The following MYO15B variants were observed in gnomAD, a reference collection of about 807,000 sequenced individuals.
MYO15B encodes myosin XVB pseudogene.
MYO15B carries 207 observed loss-of-function variants against 119.3 expected under a neutral mutation model. The ratio of observed to expected loss-of-function variants is 1.73; its 90% CI spans 1.55 to 1.95. The LOEUF is 1.95. MYO15B is among the 30% of genes most tolerant of loss of function. MYO15B has a pLI of 0.00. For synonymous variants in MYO15B, 966 were observed against 498.9 expected (o/e 1.94, Z -12.48); for missense variants, 2,264 against 1,203.1 (o/e 1.88, Z -13.04).
intron 43 of MYO15B, among the ~76,000 whole-genome samples, chr17:75,618,836 C>T (rs1161799983): frequency 6.6e-6 from 1 of 152,236 alleles, no homozygotes; most frequent in Non-Finnish European, 1.5e-5. Flanking sequence ...GTAGCACCTG[C>T]CCCCTGCCCC....
At chr17:75,620,921 C>T (rs574379678) in intron 49 of MYO15B, 110 bp from the exon 50 acceptor site, 1 of 702,226 alleles carries the variant, frequency 1.4e-6, no homozygotes, top group Non-Finnish European at 2.6e-6. Context: ...ACTTTCCTGG[C>T]TTCTGGTCTT....
At chr17:75,587,807 C>G (rs1163205512) in exon 1 of MYO15B, among the ~76,000 whole-genome samples, 1 of 152,268 alleles carries the variant, frequency 6.6e-6, no homozygotes, top group African/African-American at 2.4e-5. Context: ...GGCACTGTTG[C>G]CCTGTCCGCA....
intron 12 of MYO15B, 108 bp downstream of exon 12, chr17:75,595,080 G>T (rs973790016): frequency 4.7e-6 from 3 of 643,284 alleles, no homozygotes; most frequent in South Asian, 3.5e-5. Flanking sequence ...CGAGGTGCTT[G>T]TCTGTCTGGC....
chr17:75,591,557 T>G, intron 4 of MYO15B, 44 bp from the exon 5 acceptor site: 1 of 702,344 alleles, frequency 1.4e-6, no homozygotes, highest in Non-Finnish European at 2.6e-6. Context: ...GGGGTGGTCC[T>G]ATGTGCCCCT....
At chr17:75,594,840 G>A in exon 12 of MYO15B, 1 of 703,034 alleles carries the variant, frequency 1.4e-6, no homozygotes, top group Non-Finnish European at 2.6e-6. Context: ...ATGCCTACAG[G>A]GACGCCCTGG....
exon 39 of MYO15B, chr17:75,616,756 C>T: frequency 1.4e-6 from 1 of 703,046 alleles, no homozygotes; most frequent in East Asian, 2.7e-5. Context: ...GCCGCCCGGG[C>T]CCCGTGCCTG....
At chr17:75,624,873 T>A (rs1434623177) in exon 59 of MYO15B, 1 of 702,906 alleles carries the variant, frequency 1.4e-6, no homozygotes, top group Admixed American at 2.0e-5. Context: ...GAGACCCCAC[T>A]GCACTTCGAT....
rs527909848 is a variant in MYO15B at position 75,624,464 on chromosome 17, C to T, written c.8445+17C>T. The T allele has an allele frequency of 5.7e-6, 4 of 702,950 alleles. No homozygotes were observed. The South Asian group carries it at 5.9e-5, about 10-fold the overall frequency. 43.5% of individuals were successfully genotyped at this position (702,950 alleles called of 1,614,324 possible). ...ACTTTCACAGTGAGCTTGGGGGCCA[C>T]CAAGGGAGGAGGCCTTGGGCATCAG... On this transcript the variant is annotated intron_variant, in intron 57 of 63. Coordinates refer to ENST00000645453, the Ensembl canonical transcript of MYO15B.
rs780443851 is a variant in MYO15B, at chr17:75,625,828, C to T, written c.8939-16C>T. The stretch of plus-strand genomic sequence containing the variant: ...CCAGCAGTCAGATTTCCTGCCTGCA[C>T]CCTCTCCACCCGCAGAGGCCATGAG... On this transcript the variant is annotated splice_polypyrimidine_tract_variant and intron_variant, in intron 61 of 63. Coordinates refer to ENST00000645453, the Ensembl canonical transcript of MYO15B. 3 of 702,358 alleles carry T rather than the reference C, an allele frequency of 4.3e-6. No homozygotes were observed. Among genetic ancestry groups the T allele is most frequent in the Non-Finnish European group, 7.8e-6 (3 of 384,998 alleles). 43.5% of individuals were successfully genotyped at this position (702,358 alleles called of 1,614,324 possible). A position where few individuals can be genotyped will look rare whatever the true frequency, so the allele number is the denominator to read the frequency against.
At chr17:75,617,159 G>A in exon 41 of MYO15B, 5 of 689,004 alleles carry the variant, frequency 7.3e-6, no homozygotes, top group Non-Finnish European at 1.3e-5. Context: ...TACAGCTTGG[G>A]CCCTCTAGCT....
chr17:75,619,481 G>A lies in MYO15B; in HGVS notation c.7182+5G>A, dbSNP rs116598887. 1,160 of 701,888 alleles carry A rather than the reference G, an allele frequency of 1.7e-3. 10 individuals are homozygous for A. The African/African-American group carries it at 0.018, about 11-fold the overall frequency. 43.5% of individuals were successfully genotyped at this position (701,888 alleles called of 1,614,324 possible). A position where few individuals can be genotyped will look rare whatever the true frequency, so the allele number is the denominator to read the frequency against. On this transcript the variant is annotated splice_donor_5th_base_variant and intron_variant, in intron 45 of 63. Coordinates refer to ENST00000645453, the Ensembl canonical transcript of MYO15B. ...TCCCGCTTCTTTCCTGTCTCGGTCA[G>A]TGGCGCTGGGGTAGGGAGTAGGGAT... is the stretch of plus-strand genomic sequence containing the variant.
chr17:75,625,718 G>A, intron 61 of MYO15B, 58 bp downstream of exon 61: 1 of 701,554 alleles, frequency 1.4e-6, no homozygotes, highest in Admixed American at 2.0e-5. Flanking sequence ...GGGAAGGAAT[G>A]CAGGTAGAGG....
At position 75,617,847 on chromosome 17, in the gene MYO15B, C is replaced by A. The variant is rs112317386; in HGVS notation, c.6852C>A (p.Thr2284=). The change falls in exon 42 of 64, where the codon ACC becomes ACA. Residue 2284 remains threonine (T), a synonymous_variant. Transcript: ENST00000645453. ...CCGTGGAGGACCAGGGGGTCTCCAC[C>A]CAGCTACTCGCGCCCTCTGGCAGCG... 1.3e-3 allele frequency: 912 copies of A among 702,936 alleles called. 9 individuals carry two copies. In the African/African-American group the frequency reaches 0.014, roughly 11 times the overall value. 43.5% of individuals were successfully genotyped at this position (702,936 alleles called of 1,614,324 possible).
At chr17:75,592,693 G>A (rs1568117107) in exon 9 of MYO15B, 1 of 701,074 alleles carries the variant, frequency 1.4e-6, no homozygotes, top group Non-Finnish European at 2.6e-6. Context: ...AGGCCTGCAG[G>A]CTGCAAGGCA....
chr17:75,623,855 G>A lies in MYO15B; in HGVS notation c.8156+1G>A, dbSNP rs776242047. 7.5e-5 allele frequency: 44 copies of A among 586,644 alleles called. No homozygotes were observed. The highest frequency in any genetic ancestry group is 1.8e-4 in the East Asian group (6 of 32,976). 36.3% of individuals were successfully genotyped at this position (586,644 alleles called of 1,614,324 possible). ...AGCAGGTCACGGGACACCCCCGGCC[G>A]TGAGTGGGGACCGGTGGCTTCTGGG... is the stretch of plus-strand genomic sequence containing the variant. On this transcript the variant is annotated splice_donor_variant, in intron 54 of 63. Transcript: ENST00000645453. LOFTEE classifies it high-confidence loss of function.
exon 3 of MYO15B, chr17:75,590,939 C>A (rs924350630): frequency 9.3e-6 from 5 of 536,686 alleles, no homozygotes; most frequent in African/African-American, 1.9e-5. Context: ...TTGTTCTGAA[C>A]CCCCACCGGT....
intron 31 of MYO15B, 23 bp from the exon 32 acceptor site, chr17:75,614,750 C>T (rs529091861): frequency 1.4e-6 from 1 of 702,760 alleles, no homozygotes; most frequent in African/African-American, 1.7e-5. Context: ...GGCCATGGCT[C>T]CAACCCTCTC....
rs573904260 is a variant in MYO15B at position 75,591,376 on chromosome 17, G to A, written c.2435+130G>A. ...GGGCTACAGTTCTGGACTCCTCAGG[G>A]CCGAGCTCCTGGCTGAAATCATCAC... On this transcript the variant is annotated intron_variant, in intron 4 of 63. Transcript: ENST00000645453. 3.7e-5 allele frequency: 23 copies of A among 624,906 alleles called. No individual in the cohort carries two copies. In the South Asian group the frequency reaches 4.1e-4, roughly 11 times the overall value. The allele number at this position is 624,906 out of a possible 1,614,324, so 38.7% of individuals were successfully genotyped here. A position where few individuals can be genotyped will look rare whatever the true frequency, so the allele number is the denominator to read the frequency against.
In MYO15B at chr17:75,619,221, A is replaced by G. The variant is rs994159492; in HGVS notation, c.7063+3A>G. On this transcript the variant is annotated splice_donor_region_variant and intron_variant, in intron 44 of 63. Coordinates refer to ENST00000645453, the Ensembl canonical transcript of MYO15B. ...GCGGAAAATGAAAGACCTGCTGGGT[A>G]TGGGTCCAGGGACCATGGAGTTGGG... 5.7e-6 allele frequency: 4 copies of G among 702,772 alleles called. No homozygotes were observed. Among genetic ancestry groups the G allele is most frequent in the Middle Eastern group, 2.3e-4 (1 of 4,370 alleles). 43.5% of individuals were successfully genotyped at this position (702,772 alleles called of 1,614,324 possible).
Sources: gnomAD v4.1 joint callset for allele counts (sites outside exome capture counted in the v4.1 genomes callset) on GRCh38, gnomAD v4.1.1 for gene constraint, MANE v1.5 for transcripts, NCBI Gene and HGNC (gene_info 2026-07-23, HGNC 2026-07-21) for gene names.